PCDHA13: variants seen among roughly 807,000 people sequenced by gnomAD.
PCDHA13 encodes protocadherin alpha 13.
PCDHA13 carries 54 observed loss-of-function variants against 64.8 expected under a neutral mutation model. The observed-to-expected ratio is 0.83, with a 90% CI of 0.67 to 1.04. The LOEUF is 1.04. Ranked by LOEUF, PCDHA13 falls within the 50% of genes least tolerant of loss-of-function variation. PCDHA13 has a pLI of 0.00. For missense variants in PCDHA13, 1,248 were observed against 1,254.3 expected, an observed-to-expected ratio of 0.99 and a Z score of 0.08; for synonymous variants, 587 against 564.4, an observed-to-expected ratio of 1.04 and a Z score of -0.57.
chr5:140,932,700 AT>A (rs2088549755), intron 1 of PCDHA13, among the ~76,000 whole-genome samples: 1 of 151,992 alleles, frequency 6.6e-6, no homozygotes, highest in Non-Finnish European at 1.5e-5. Context: ...AAAAACTCAT[AT>A]AGACAACACA....
intron 3 of PCDHA13, among the ~76,000 whole-genome samples, chr5:141,006,373 G>A (rs550999366): frequency 1.1e-4 from 17 of 151,910 alleles, no homozygotes; most frequent in African/African-American, 3.1e-4. Context: ...CACCACGCCC[G>A]GCTAAGTTTT....
chr5:140,905,152 G>T (rs2071629879), intron 1 of PCDHA13, among the ~76,000 whole-genome samples: 1 of 152,154 alleles, frequency 6.6e-6, no homozygotes. Context: ...TTATATTTTA[G>T]AATTTTCATG....
At chr5:140,896,226 T>G (rs1554186874) in intron 1 of PCDHA13, among the ~76,000 whole-genome samples, 1 of 152,242 alleles carries the variant, frequency 6.6e-6, no homozygotes, top group African/African-American at 2.4e-5. Flanking sequence ...GTCTTTATAG[T>G]AGAATGACTT....
At chr5:140,898,003 G>A (rs2066458535) in intron 1 of PCDHA13, among the ~76,000 whole-genome samples, 1 of 152,152 alleles carries the variant, frequency 6.6e-6, no homozygotes, top group Non-Finnish European at 1.5e-5. Context: ...AGAAGTGTCT[G>A]TTCATATCCT....
intron 1 of PCDHA13, among the ~76,000 whole-genome samples, chr5:140,898,007 A>G (rs1477147548): frequency 2.3e-4 from 35 of 152,100 alleles, no homozygotes; most frequent in African/African-American, 8.5e-4. Context: ...GTGTCTGTTC[A>G]TATCCTTTGC....
intron 1 of PCDHA13, among the ~76,000 whole-genome samples, chr5:140,913,578 A>G (rs1206858917): frequency 2.0e-5 from 3 of 152,072 alleles, no homozygotes; most frequent in Non-Finnish European, 2.9e-5. Context: ...CATTTCAAAT[A>G]TATTTCTGCT....
rs1362933627 is a variant in PCDHA13, at chr5:140,883,773, G to T, written c.1505G>T (p.Arg502Leu). ...YSLVERRVGERALSSYVSVHA... is the reference protein window; with the variant it reads ...YSLVERRVGELALSSYVSVHA... Reference sequence around the variant, plus strand: ...CTGGTGGAGCGGCGGGTGGGCGAGCGTGCGCTGTCGAGCTACGTGTCGGTG... The same window carrying T: ...CTGGTGGAGCGGCGGGTGGGCGAGCTTGCGCTGTCGAGCTACGTGTCGGTG... The change falls in exon 1 of 4, where the codon CGT (arginine) becomes CTT (leucine). Residue 502 changes from arginine (R) to leucine (L), a missense_variant. Coordinates refer to ENST00000289272, the MANE Select transcript of PCDHA13 (RefSeq NM_018904.3). 2.5e-6 allele frequency: 4 copies of T among 1,612,256 alleles called. No homozygotes were observed. Among genetic ancestry groups the T allele is most frequent in the Admixed American group, 1.7e-5 (1 of 59,980 alleles).
intron 1 of PCDHA13, chr5:140,966,228 A>G: frequency 3.6e-6 from 1 of 275,386 alleles, no homozygotes; most frequent in Admixed American, 5.3e-5. Context: ...AATCTCCTTA[A>G]AGACCCGTTA....
chr5:140,889,409 A>C (rs1448554315), intron 1 of PCDHA13, among the ~76,000 whole-genome samples: 5 of 152,024 alleles, frequency 3.3e-5, no homozygotes, highest in African/African-American at 1.2e-4. Context: ...TACTCGAGTC[A>C]GTTACGTAGA....
chr5:140,966,355 G>C (rs2095993623), intron 1 of PCDHA13: 1 of 400,198 alleles, frequency 2.5e-6, no homozygotes, highest in Non-Finnish European at 4.4e-6. Context: ...AGGAGATGGG[G>C]CTGGAGAGGC....
intron 1 of PCDHA13, among the ~76,000 whole-genome samples, chr5:140,900,358 A>C (rs2067968295): frequency 6.6e-6 from 1 of 151,358 alleles, no homozygotes. Flanking sequence ...GCTCACCGCA[A>C]CCTCTGCCTC....
At chr5:140,997,420 G>A (rs1300822693) in intron 3 of PCDHA13, among the ~76,000 whole-genome samples, 4 of 152,042 alleles carry the variant, frequency 2.6e-5, no homozygotes, top group African/African-American at 9.7e-5. Flanking sequence ...TTTCTCCTAG[G>A]CTACAAACCT....
chr5:140,979,006 A>G lies in PCDHA13; in HGVS notation c.2452A>G (p.Ser818Gly), dbSNP rs149397164. ...TGCCTCCCTGAGAGCAGGCATGCAC[A>G]GGTATGTATTTCCCTCCTCATTCAC... ...YSASLRAGMH[S>G]SVHLEEAGIL... Residue 818 changes from serine (S) to glycine (G), a missense_variant and splice_region_variant, in exon 2 of 4, where the codon AGC becomes GGC. Ser to Gly is a moderately conservative substitution (Grantham distance 56). Coordinates refer to ENST00000289272, the MANE Select transcript of PCDHA13 (RefSeq NM_018904.3). The G allele has an allele frequency of 4.3e-6, 7 of 1,614,000 alleles. No individual in the cohort carries two copies. The highest frequency in any genetic ancestry group is 5.1e-6 in the Non-Finnish European group (6 of 1,179,938).
chr5:141,000,365 C>CTG (rs2097904906), intron 3 of PCDHA13, among the ~76,000 whole-genome samples: 2 of 12,832 alleles, frequency 1.6e-4, no homozygotes, highest in Non-Finnish European at 2.6e-4. Flanking sequence ...CTCTCTGTCT[C>CTG]TCTCTCTCTC....
rs868942705 is a variant in PCDHA13 at position 140,935,763 on chromosome 5, C to T, written c.2395-43186C>T. Reference sequence around the variant, plus strand: ...TATTCCATACAATACACATTCTTCCCCACTTTGAGTTTTTTCACTTAAAAA... The same window carrying T: ...TATTCCATACAATACACATTCTTCCTCACTTTGAGTTTTTTCACTTAAAAA... On this transcript the variant is annotated intron_variant, in intron 1 of 3. Coordinates refer to ENST00000289272, the MANE Select transcript of PCDHA13 (RefSeq NM_018904.3). Among the ~76,000 whole-genome samples, 111 of 152,180 alleles carry T rather than the reference C, an allele frequency of 7.3e-4. 1 individual carries two copies. The highest frequency in any genetic ancestry group is 3.4e-3 in the Middle Eastern group (1 of 294).
intron 1 of PCDHA13, among the ~76,000 whole-genome samples, chr5:140,900,028 T>C (rs1554188848): frequency 1.3e-5 from 2 of 152,132 alleles, no homozygotes; most frequent in Admixed American, 1.3e-4. Flanking sequence ...CAGTTTGGCC[T>C]TGAATTCCTG....
chr5:140,941,214 C>CTTTCTTTCTTTCTGTCTTT, intron 1 of PCDHA13, among the ~76,000 whole-genome samples: 1 of 122,492 alleles, frequency 8.2e-6, no homozygotes, highest in African/African-American at 3.1e-5. Flanking sequence ...TTTCTTTCTT[C>CTTTCTTTCTTTCTGTCTTT]CTTTCTTTCT....
rs187345731 is a variant in PCDHA13, at chr5:140,885,533, C to T, written c.2394+871C>T. Among the ~76,000 whole-genome samples, 472 of 152,120 alleles carry T rather than the reference C, an allele frequency of 3.1e-3. 3 individuals carry two copies. Among genetic ancestry groups the T allele is most frequent in the Middle Eastern group, 0.014 (4 of 294 alleles). On this transcript the variant is annotated intron_variant, in intron 1 of 3. Coordinates refer to ENST00000289272, the MANE Select transcript of PCDHA13 (RefSeq NM_018904.3). Reference sequence around the variant, plus strand: ...CTGTGCTATCATTTCATATATTTCCCAAAATATTGGTGTTATTTCTACGAA... The same window carrying T: ...CTGTGCTATCATTTCATATATTTCCTAAAATATTGGTGTTATTTCTACGAA...
rs782761972 is a variant in PCDHA13, at chr5:140,927,978, T to C, written c.2394+43316T>C. 9.9e-6 allele frequency: 16 copies of C among 1,614,092 alleles called. No individual in the cohort carries two copies. In the East Asian group the frequency reaches 1.8e-4, roughly 18 times the overall value. ...CCCCTGGCACAGTGATTGCTCTCTTTAGTGTAAAGGATGAAGACCTCGATT... is the reference window on the plus strand; with the variant it reads ...CCCCTGGCACAGTGATTGCTCTCTTCAGTGTAAAGGATGAAGACCTCGATT... On this transcript the variant is annotated intron_variant, in intron 1 of 3. Coordinates refer to ENST00000289272, the MANE Select transcript of PCDHA13 (RefSeq NM_018904.3).
Sources: allele counts gnomAD v4.1 joint callset (sites outside exome capture counted in the v4.1 genomes callset), GRCh38; gene constraint gnomAD v4.1.1; transcripts MANE v1.5; gene names NCBI Gene and HGNC (gene_info 2026-07-23, HGNC 2026-07-21).